The following SMYD3 variants were observed in gnomAD, a reference collection of about 807,000 sequenced individuals.
SMYD3 encodes histone-lysine N-methyltransferase SMYD3.
SMYD3 carries 36 observed loss-of-function variants against 57.7 expected under a neutral mutation model. The observed-to-expected ratio is 0.62, with a 90% CI of 0.48 to 0.82. The LOEUF is 0.82. Ranked by LOEUF, SMYD3 falls within the 40% of genes least tolerant of loss-of-function variation. The pLI, the probability that SMYD3 is intolerant of heterozygous loss-of-function variation, is 0.00. For missense variants in SMYD3, 515 were observed against 538.8 expected, an observed-to-expected ratio of 0.96 and a Z score of 0.44; for synonymous variants, 211 against 195.0, an observed-to-expected ratio of 1.08 and a Z score of -0.68.
At chr1:245,827,266 A>G (rs921977526) in intron 10 of SMYD3, among the ~76,000 whole-genome samples, 4 of 152,152 alleles carry the variant, frequency 2.6e-5, no homozygotes, top group African/African-American at 4.8e-5. Flanking sequence ...GTTGTCAGTC[A>G]CTAATCTTTA....
At chr1:246,054,797 A>G (rs1204707817) in intron 5 of SMYD3, among the ~76,000 whole-genome samples, 1 of 150,986 alleles carries the variant, frequency 6.6e-6, no homozygotes, top group African/African-American at 2.4e-5. Context: ...AAAGATACTT[A>G]ACATTAGTAA....
At chr1:245,754,601 G>T (rs2045531823) in intron 11 of SMYD3, among the ~76,000 whole-genome samples, 1 of 152,148 alleles carries the variant, frequency 6.6e-6, no homozygotes, top group East Asian at 1.9e-4. Flanking sequence ...GGACAGCAGA[G>T]AATCCCAAAG....
At chr1:246,130,609 G>T (rs998259296) in intron 5 of SMYD3, among the ~76,000 whole-genome samples, 1 of 152,138 alleles carries the variant, frequency 6.6e-6, no homozygotes, top group South Asian at 2.1e-4. Flanking sequence ...ATATAACAAA[G>T]AATTTTAATG....
intron 5 of SMYD3, among the ~76,000 whole-genome samples, chr1:246,188,701 C>T (rs1363910191): frequency 6.6e-6 from 1 of 151,872 alleles, no homozygotes; most frequent in Non-Finnish European, 1.5e-5. Context: ...TGGCTCATGC[C>T]TGTAATCCCA....
chr1:246,303,207 C>T (rs2064922948), intron 5 of SMYD3, among the ~76,000 whole-genome samples: 1 of 152,164 alleles, frequency 6.6e-6, no homozygotes, highest in Admixed American at 6.5e-5. Flanking sequence ...AATAATAGTG[C>T]CTGCTTCACA....
chr1:246,362,069 T>A lies in SMYD3; in HGVS notation c.165-6975A>T, dbSNP rs1460775668. On this transcript the variant is annotated intron_variant, in intron 1 of 11. Transcript: ENST00000490107. ...CCAGCACCGCCCCCACAAAAAAATG[T>A]CCTTTTTAAAAACTTTGGTAGAATA... Among the ~76,000 whole-genome samples, 6 of 152,260 alleles carry A rather than the reference T, an allele frequency of 3.9e-5. No individual in the cohort carries two copies. The East Asian group carries it at 1.2e-3, about 29-fold the overall frequency.
At chr1:246,262,333 G>C (rs1364746281) in intron 5 of SMYD3, among the ~76,000 whole-genome samples, 6 of 152,178 alleles carry the variant, frequency 3.9e-5, no homozygotes, top group African/African-American at 1.2e-4. Context: ...GACATTGCTT[G>C]AGAATGGGAA....
At chr1:245,944,039 A>G (rs2057352127) in intron 5 of SMYD3, among the ~76,000 whole-genome samples, 1 of 152,150 alleles carries the variant, frequency 6.6e-6, no homozygotes, top group African/African-American at 2.4e-5. Context: ...TGTCATACTG[A>G]ATGGGCAAAA....
intron 5 of SMYD3, among the ~76,000 whole-genome samples, chr1:245,995,699 G>A (rs751271108): frequency 9.9e-5 from 15 of 152,224 alleles, no homozygotes; most frequent in Non-Finnish European, 1.3e-4. Context: ...CAGGGCTGAC[G>A]GAGCAGGGGC....
chr1:246,095,673 G>A (rs940817751), intron 5 of SMYD3, among the ~76,000 whole-genome samples: 1 of 152,176 alleles, frequency 6.6e-6, no homozygotes, highest in African/African-American at 2.4e-5. Flanking sequence ...TCTTTCAAAG[G>A]AGAAAAGCAG....
At chr1:245,893,725 G>C (rs1427000590) in intron 8 of SMYD3, among the ~76,000 whole-genome samples, 1 of 147,744 alleles carries the variant, frequency 6.8e-6, no homozygotes, top group African/African-American at 2.5e-5. Context: ...GAAGGAATTT[G>C]GGAGTGGTGG....
intron 5 of SMYD3, among the ~76,000 whole-genome samples, chr1:246,044,538 G>A (rs2059930984): frequency 6.6e-6 from 1 of 152,100 alleles, no homozygotes; most frequent in Non-Finnish European, 1.5e-5. Context: ...GTCAGGCTCC[G>A]TCTCATGCTT....
chr1:246,422,793 T>C lies in SMYD3; in HGVS notation c.165-67699A>G, dbSNP rs528183983. ...ATGATTTTTTTTTAAGATAGCTCTA[T>C]CTCCCAGAATTTCTACAACCACCTC... On this transcript the variant is annotated intron_variant, in intron 1 of 11. Transcript: ENST00000490107. Among the ~76,000 whole-genome samples, 42 of 152,242 alleles carry C rather than the reference T, an allele frequency of 2.8e-4. No individual in the cohort carries two copies. The East Asian group carries it at 7.5e-3, about 27-fold the overall frequency.
intron 5 of SMYD3, among the ~76,000 whole-genome samples, chr1:246,002,310 G>A (rs1203459743): frequency 2.1e-4 from 18 of 86,364 alleles, no homozygotes; most frequent in African/African-American, 4.7e-4. Flanking sequence ...TCAGCCTCCC[G>A]AGTAGCTGGG....
intron 6 of SMYD3, 123 bp from the exon 7 acceptor site, chr1:245,928,156 G>A (rs2275315): frequency 1.1e-5 from 5 of 445,032 alleles, no homozygotes; most frequent in South Asian, 8.2e-5. Context: ...TTGACAGGAT[G>A]CCAGGGGTTC....
chr1:246,492,763 T>C (rs2068291326), intron 1 of SMYD3, among the ~76,000 whole-genome samples: 1 of 152,216 alleles, frequency 6.6e-6, no homozygotes, highest in Admixed American at 6.5e-5. Flanking sequence ...TACAGCCTGT[T>C]TCTAAATATA....
chr1:246,153,026 C>T (rs1310826181), intron 5 of SMYD3, among the ~76,000 whole-genome samples: 1 of 152,136 alleles, frequency 6.6e-6, no homozygotes, highest in Non-Finnish European at 1.5e-5. Flanking sequence ...TATCTGATGT[C>T]CAATTTTCTC....
At chr1:245,791,952 TTGTGTGTGTG>T (rs59018021) in intron 10 of SMYD3, among the ~76,000 whole-genome samples, 9 of 146,236 alleles carry the variant, frequency 6.2e-5, no homozygotes, top group South Asian at 4.5e-4. Context: ...AATTTTAAAC[TTGTGTGTGTG>T]TGTGTGTGTG....
At chr1:246,384,643 C>G (rs1028902610) in intron 1 of SMYD3, among the ~76,000 whole-genome samples, 1 of 152,086 alleles carries the variant, frequency 6.6e-6, no homozygotes, top group African/African-American at 2.4e-5. Flanking sequence ...GTGATCTGCC[C>G]GCCTCGGCCT....
Sources: gnomAD v4.1 joint callset for allele counts (sites outside exome capture counted in the v4.1 genomes callset) on GRCh38, gnomAD v4.1.1 for gene constraint, MANE v1.5 for transcripts, NCBI Gene and HGNC (gene_info 2026-07-23, HGNC 2026-07-21) for gene names.